The following COL20A1 variants were observed in gnomAD, a reference collection of about 807,000 sequenced individuals.
COL20A1 encodes the protein collagen alpha-1(XX) chain.
In COL20A1, 164 loss-of-function variants were observed where a neutral mutation model predicts 152.9. That is an observed-to-expected ratio of 1.07 (90% confidence interval 0.94 to 1.22). The LOEUF (loss-of-function observed/expected upper bound fraction) is 1.22. Ranked by LOEUF, COL20A1 falls within the 50% of genes most tolerant of loss-of-function variation. The probability of loss-of-function intolerance (pLI) is 0.00; values close to 1 mark genes in which losing one functional copy is unlikely to be tolerated. For missense variants in COL20A1, 1,873 were observed against 1,744.8 expected, an observed-to-expected ratio of 1.07 and a Z score of -1.31; for synonymous variants, 864 against 756.0, an observed-to-expected ratio of 1.14 and a Z score of -2.34.
rs755475984 is a variant in COL20A1, at chr20:63,320,032, C to G, written c.2917-7C>G. ...GGCTGTGGAGAACCTCCCGTGCCGT[C>G]TCACAGGTGCACGTGGCTGTGGGCC... is the stretch of plus-strand genomic sequence containing the variant. On this transcript the variant is annotated splice_polypyrimidine_tract_variant and splice_region_variant and intron_variant, in intron 23 of 35. Transcript: ENST00000358894. The G allele has an allele frequency of 8.4e-6, 13 of 1,552,134 alleles. No individual in the cohort carries two copies. The Admixed American group carries it at 2.1e-4, about 26-fold the overall frequency.
Position 63,307,599 on chromosome 20 carries a change from G to A in COL20A1, c.606G>A (p.Leu202=), listed in dbSNP as rs746465820. The A allele has an allele frequency of 5.9e-5, 95 of 1,612,686 alleles. 1 individual carries two copies. Among genetic ancestry groups the A allele is most frequent in the East Asian group, 3.3e-4 (15 of 44,876 alleles). The part of the protein sequence containing the change: ...HSHFQQVKDF[L]ASVIAPFEIG... ...ACTTCCAGCAGGTCAAGGACTTCCT[G>A]GCCAGTGTCATCGCACCCTTTGAAA... The change falls in exon 6 of 36, where the codon CTG becomes CTA. Residue 202 remains leucine, a synonymous_variant. Transcript: ENST00000358894.
At chr20:63,307,903 C>T (rs967172338) in intron 6 of COL20A1, 68 bp from the exon 7 acceptor site, 3 of 1,579,810 alleles carry the variant, frequency 1.9e-6, no homozygotes, top group Non-Finnish European at 1.7e-6. Context: ...CAGGTGTGGC[C>T]TTGTGCCAAG....
At chr20:63,300,897 G>T (rs2067855311) in intron 3 of COL20A1, among the ~76,000 whole-genome samples, 2 of 152,172 alleles carry the variant, frequency 1.3e-5, no homozygotes, top group South Asian at 4.1e-4. Context: ...TTGACCCATA[G>T]GCTACTTAGA....
At chr20:63,298,523 G>A (rs1040087946) in intron 3 of COL20A1, among the ~76,000 whole-genome samples, 2 of 152,096 alleles carry the variant, frequency 1.3e-5, no homozygotes, top group Admixed American at 1.3e-4. Flanking sequence ...ACTGGGCTCA[G>A]GAGATCCGCC....
At chr20:63,299,640 A>G (rs1158503464) in intron 3 of COL20A1, among the ~76,000 whole-genome samples, 1 of 152,076 alleles carries the variant, frequency 6.6e-6, no homozygotes, top group African/African-American at 2.4e-5. Flanking sequence ...CCTTTTCCAG[A>G]TAGATGGACC....
At chr20:63,307,685 G>A (rs770994554) in intron 6 of COL20A1, 37 bp downstream of exon 6, 2 of 1,594,678 alleles carry the variant, frequency 1.3e-6, no homozygotes, top group African/African-American at 1.3e-5. Flanking sequence ...GCCCCACCCG[G>A]GTGTGGTCCC....
chr20:63,320,292 T>A lies in COL20A1; in HGVS notation c.3077T>A (p.Phe1026Tyr). ...TGAGCCGGCTCCCCTGCGTTGCAGTTTCAGCTCCAGATGCTGCAGATCGTG... is the reference window on the plus strand; with the variant it reads ...TGAGCCGGCTCCCCTGCGTTGCAGTATCAGCTCCAGATGCTGCAGATCGTG... Reference protein sequence around the residue: ...ARGPRSSSAAFQLQMLQIVCS... With the variant: ...ARGPRSSSAAYQLQMLQIVCS... Residue 1026 changes from phenylalanine to tyrosine, a missense_variant and splice_region_variant, in exon 25 of 36, where the codon TTT becomes TAT. Coordinates refer to ENST00000358894, the MANE Select transcript of COL20A1 (RefSeq NM_020882.4). The A allele has an allele frequency of 6.2e-7, 1 of 1,609,998 alleles. No homozygotes were observed. The highest frequency in any genetic ancestry group is 8.5e-7 in the Non-Finnish European group (1 of 1,179,794).
At chr20:63,328,273 ACAGG>A in intron 33 of COL20A1, 54 bp from the exon 34 acceptor site, 1 of 1,563,662 alleles carries the variant, frequency 6.4e-7, no homozygotes, top group Non-Finnish European at 8.7e-7. Flanking sequence ...CGTGGCCTGC[ACAGG>A]CCTCGCATCC....
At position 63,307,549 on chromosome 20, in the gene COL20A1, G is replaced by C. The variant is rs753032786; in HGVS notation, c.556G>C (p.Gly186Arg). 21 of 1,612,436 alleles carry C rather than the reference G, an allele frequency of 1.3e-5. No homozygotes were observed. The highest frequency in any genetic ancestry group is 1.8e-5 in the Non-Finnish European group (21 of 1,179,668). Residue 186 changes from glycine to arginine, a missense_variant, in exon 6 of 36, where the codon GGG (glycine) becomes CGG (arginine). Gly to Arg is a moderately radical substitution (Grantham distance 125, BLOSUM62 -2). Transcript: ENST00000358894. The stretch of plus-strand genomic sequence containing the variant: ...TGCTGACATGGTCTTCCTGGTGGAC[G>C]GGTCCTGGAGCATTGGCCACAGTCA... ...VPADMVFLVDGSWSIGHSHFQ... is the reference protein window; with the variant it reads ...VPADMVFLVDRSWSIGHSHFQ...
At chr20:63,297,230 A>C (rs1041233173) in intron 2 of COL20A1, among the ~76,000 whole-genome samples, 3 of 151,794 alleles carry the variant, frequency 2.0e-5, no homozygotes, top group Non-Finnish European at 2.9e-5. Context: ...TGTCCTGGGG[A>C]CCCAGCCCAG....
rs368860976 is a variant in COL20A1 at position 63,310,529 on chromosome 20, G to A, written c.1393+19G>A. 5.1e-6 allele frequency: 8 copies of A among 1,569,892 alleles called. No individual in the cohort carries two copies. Among genetic ancestry groups the A allele is most frequent in the East Asian group, 4.7e-5 (2 of 42,778 alleles). On this transcript the variant is annotated intron_variant, in intron 11 of 35. Transcript: ENST00000358894. ...ACCACAGGTAGGTGGGGCAGAGGCA[G>A]CGGCCAGGTTCTGGGTGGGAGGCCC...
At chr20:63,296,844 C>A (rs1044245069) in intron 2 of COL20A1, among the ~76,000 whole-genome samples, 4 of 152,112 alleles carry the variant, frequency 2.6e-5, no homozygotes. Flanking sequence ...TGCCCCCCAG[C>A]CCCTGCTCTT....
At chr20:63,294,680 G>A (rs1308488809) in intron 1 of COL20A1, among the ~76,000 whole-genome samples, 1 of 152,174 alleles carries the variant, frequency 6.6e-6, no homozygotes, top group African/African-American at 2.4e-5. Flanking sequence ...CACATGTCCA[G>A]CAATCAGACA....
At position 63,313,782 on chromosome 20, in the gene COL20A1, C is replaced by T. The variant is rs1332266390; in HGVS notation, c.2249C>T (p.Ala750Val). The change falls in exon 18 of 36, where the codon GCC (alanine) becomes GTC (valine). Residue 750 changes from alanine to valine, a missense_variant. Physicochemically the swap from Ala to Val is moderately conservative, Grantham distance 64. Coordinates refer to ENST00000358894, the MANE Select transcript of COL20A1 (RefSeq NM_020882.4). The surrounding 1 kb of genome is among the most constrained non-coding windows in gnomAD (Gnocchi z 5.9). The stretch of plus-strand genomic sequence containing the variant: ...AGCCCACCCTCCAACCTGGCCCTGG[C>T]CTCGGAGACCCCCGACAGCCTGCAG... ...SRSPPSNLALASETPDSLQVS... is the reference protein window; with the variant it reads ...SRSPPSNLALVSETPDSLQVS... 3.7e-6 allele frequency: 6 copies of T among 1,609,124 alleles called. No homozygotes were observed. In the East Asian group the frequency reaches 1.1e-4, roughly 30 times the overall value.
rs1367042415 is a variant in COL20A1 at position 63,334,094 on chromosome 20, CTCTCA to C, written c.*3380_*3384del. 1 of 152,226 alleles carries C rather than the reference CTCTCA, an allele frequency of 6.6e-6. No homozygotes were observed. The highest frequency in any genetic ancestry group is 1.9e-4 in the East Asian group (1 of 5,184). The allele number at this position is 152,226 out of a possible 1,614,324, so 9.4% of individuals were successfully genotyped here. A position where few individuals can be genotyped will look rare whatever the true frequency, so the allele number is the denominator to read the frequency against. The stretch of plus-strand genomic sequence containing the variant: ...CCTTGCCCAGTGGAGAAACACTCTC[CTCTCA>C]TGTGTGGAATATCCACACACTAACC... On this transcript the variant is annotated 3_prime_UTR_variant, in exon 36 of 36. Coordinates refer to ENST00000358894, the MANE Select transcript of COL20A1 (RefSeq NM_020882.4).
In COL20A1 at chr20:63,333,133, G is replaced by A. The variant is rs2068353708; in HGVS notation, c.*2417G>A. Reference sequence around the variant, plus strand: ...TACGGCCACAGCTCTCCCCTCCAGAGGCCCCTCTGTAGTGGGCCTCGGTCC... The same window carrying A: ...TACGGCCACAGCTCTCCCCTCCAGAAGCCCCTCTGTAGTGGGCCTCGGTCC... On this transcript the variant is annotated 3_prime_UTR_variant, in exon 36 of 36. Coordinates refer to ENST00000358894, the MANE Select transcript of COL20A1 (RefSeq NM_020882.4). The A allele has an allele frequency of 6.6e-6, 1 of 152,376 alleles. No homozygotes were observed. The highest frequency in any genetic ancestry group is 3.1e-3 in the Middle Eastern group (1 of 318). 9.4% of individuals were successfully genotyped at this position (152,376 alleles called of 1,614,324 possible). A position where few individuals can be genotyped will look rare whatever the true frequency, so the allele number is the denominator to read the frequency against.
intron 1 of COL20A1, among the ~76,000 whole-genome samples, chr20:63,294,001 C>T (rs2067749778): frequency 2.1e-5 from 3 of 145,250 alleles, no homozygotes; most frequent in African/African-American, 7.7e-5. Flanking sequence ...TCAAGCCATG[C>T]CCTCAGCTCA....
intron 2 of COL20A1, among the ~76,000 whole-genome samples, chr20:63,297,398 CTCAGCCCAGGGGCCCCAGCCCAGGGGA>C (rs1337835752): frequency 5.3e-5 from 8 of 150,240 alleles, no homozygotes; most frequent in Admixed American, 2.6e-4. Flanking sequence ...GCCCAGGGGA[CTCAGCCCAGGGGCCCCAGCCCAGGGGA>C]CTTAGCTCAG....
chr20:63,294,393 G>C (rs1002693390), intron 1 of COL20A1, among the ~76,000 whole-genome samples: 13 of 151,670 alleles, frequency 8.6e-5, no homozygotes, highest in Non-Finnish European at 1.5e-4. Flanking sequence ...CTGCTCCTCA[G>C]AGCACCCCAA....
Sources: allele counts gnomAD v4.1 joint callset (sites outside exome capture counted in the v4.1 genomes callset), GRCh38; gene constraint gnomAD v4.1.1; non-coding constraint Gnocchi (gnomAD v3.1); transcripts MANE v1.5; gene names NCBI Gene and HGNC (gene_info 2026-07-23, HGNC 2026-07-21).